F8: variants seen among roughly 807,000 people sequenced by gnomAD.
F8 encodes coagulation factor VIII.
A neutral mutation model predicts 140.6 loss-of-function variants in F8; 12 were observed. That is an observed-to-expected ratio of 0.09 (90% CI 0.05 to 0.14). F8 has a LOEUF of 0.14. F8 is among the 10% of genes least tolerant of loss of function. The pLI, the probability that F8 is intolerant of heterozygous loss-of-function variation, is 1.00. For missense variants in F8, 1,354 were observed against 1,720.7 expected (o/e 0.79, Z 3.77); for synonymous variants, 585 against 614.6 (o/e 0.95, Z 0.71).
chrX:155,022,381 C>T (rs782082664), intron 1 of F8, 29 bp downstream of exon 1: 16 of 1,200,656 alleles, frequency 1.3e-5, no homozygotes, highest in African/African-American at 3.5e-5. Flanking sequence ...ATCCTGGCCC[C>T]GATCAGACCC....
At chrX:154,956,482 G>A (rs2073365687) in intron 11 of F8, among the ~76,000 whole-genome samples, 1 of 111,886 alleles carries the variant, frequency 8.9e-6, no homozygotes, top group Non-Finnish European at 1.9e-5. Flanking sequence ...TTAATTTGGG[G>A]AACTAATAAA....
intron 22 of F8, among the ~76,000 whole-genome samples, chrX:154,870,455 A>C (rs1441600198): frequency 8.9e-6 from 1 of 112,295 alleles, no homozygotes; most frequent in Non-Finnish European, 1.9e-5. Context: ...CCACATGATT[A>C]TCTCAATAGA....
intron 7 of F8, among the ~76,000 whole-genome samples, chrX:154,968,828 C>G (rs2073438850): frequency 9.0e-6 from 1 of 110,504 alleles, no homozygotes; most frequent in African/African-American, 3.3e-5. Flanking sequence ...TGAAGTCAAG[C>G]TCTACAATAG....
At chrX:154,946,067 T>C (rs2073302403) in intron 13 of F8, among the ~76,000 whole-genome samples, 2 of 111,390 alleles carry the variant, frequency 1.8e-5, no homozygotes, top group Admixed American at 9.5e-5. Flanking sequence ...ACTAAAATAC[T>C]GATAAAGGGA....
intron 20 of F8, among the ~76,000 whole-genome samples, chrX:154,900,813 C>A (rs1557275884): frequency 9.0e-6 from 1 of 111,622 alleles, no homozygotes; most frequent in African/African-American, 3.3e-5. Flanking sequence ...GCTGCTGTAG[C>A]CATAGATGAT....
intron 10 of F8, among the ~76,000 whole-genome samples, 173 bp from the exon 11 acceptor site, chrX:154,957,344 A>G (rs962661437): frequency 5.5e-4 from 61 of 111,735 alleles, no homozygotes; most frequent in African/African-American, 1.9e-3. Context: ...AATTTTTTTA[A>G]AAAGTAAAAA....
In F8 at chrX:154,867,556, C is replaced by T. The variant is rs150818490; in HGVS notation, c.6430-4329G>A. ...TACAAAAATTAGCTGGGTGTGATGG[C>T]ATGTTCCAGTAGTCCCAGCTACTCA... is the stretch of plus-strand genomic sequence containing the variant. On this transcript the variant is annotated intron_variant, in intron 22 of 25. Transcript: ENST00000360256. Among the ~76,000 whole-genome samples the T allele has an allele frequency of 7.1e-4, 77 of 108,687 alleles. No homozygotes were observed. The East Asian group carries it at 0.011, about 16-fold the overall frequency. 94.4% of individuals were successfully genotyped at this position (108,687 alleles called of 115,157 possible). A position where few individuals can be genotyped will look rare whatever the true frequency, so the allele number is the denominator to read the frequency against.
intron 22 of F8, among the ~76,000 whole-genome samples, chrX:154,871,846 T>C (rs1569559369): frequency 9.0e-6 from 1 of 111,374 alleles, no homozygotes; most frequent in Non-Finnish European, 1.9e-5. Flanking sequence ...TAAACAAATT[T>C]ACAAGAAAAA....
intron 14 of F8, among the ~76,000 whole-genome samples, chrX:154,907,360 C>T (rs782355134): frequency 2.7e-5 from 3 of 111,790 alleles, no homozygotes; most frequent in East Asian, 2.8e-4. Flanking sequence ...ACCCTAATCA[C>T]GGACATTTGA....
intron 1 of F8, among the ~76,000 whole-genome samples, chrX:155,021,538 G>A (rs944465259): frequency 9.0e-6 from 1 of 111,389 alleles, no homozygotes; most frequent in Non-Finnish European, 1.9e-5. Context: ...AATGAAAGTA[G>A]AAGCAGAAAC....
At chrX:154,974,193 T>G in intron 6 of F8, among the ~76,000 whole-genome samples, 1 of 112,104 alleles carries the variant, frequency 8.9e-6, no homozygotes, top group Non-Finnish European at 1.9e-5. Flanking sequence ...CTTCCAGTAC[T>G]GTGTTGAATA....
intron 1 of F8, among the ~76,000 whole-genome samples, chrX:155,008,349 C>A (rs1468927532): frequency 6.2e-5 from 7 of 112,281 alleles, no homozygotes; most frequent in Non-Finnish European, 1.1e-4. Flanking sequence ...CTGGGACCCG[C>A]AGCAGAAAGG....
intron 13 of F8, among the ~76,000 whole-genome samples, chrX:154,946,576 A>G (rs1308565954): frequency 8.9e-6 from 1 of 112,086 alleles, no homozygotes; most frequent in Non-Finnish European, 1.9e-5. Context: ...AATCAAATCA[A>G]AATGGATTAG....
At chrX:154,911,145 C>T (rs1364953103) in intron 14 of F8, among the ~76,000 whole-genome samples, 1 of 109,016 alleles carries the variant, frequency 9.2e-6, no homozygotes, top group Non-Finnish European at 1.9e-5. Flanking sequence ...AACTGAGAGA[C>T]CAGTGCCGGC....
intron 21 of F8, chrX:154,897,864 A>G (rs2072990179): frequency 8.9e-6 from 1 of 112,192 alleles, no homozygotes; most frequent in Non-Finnish European, 1.9e-5. Flanking sequence ...ATGCTTGACA[A>G]CTGATGAATG....
chrX:154,897,262 G>A (rs914695871), intron 21 of F8, among the ~76,000 whole-genome samples: 4 of 112,442 alleles, frequency 3.6e-5, no homozygotes, highest in African/African-American at 1.3e-4. Context: ...TTTCACACAT[G>A]CCTGACACAC....
At chrX:154,925,614 G>C (rs2073156187) in intron 14 of F8, among the ~76,000 whole-genome samples, 1 of 112,654 alleles carries the variant, frequency 8.9e-6, no homozygotes, top group Admixed American at 9.3e-5. Context: ...GATCACTTTA[G>C]AGATTTAAGA....
At chrX:154,977,173 A>T (rs2073491624) in intron 6 of F8, among the ~76,000 whole-genome samples, 1 of 111,531 alleles carries the variant, frequency 9.0e-6, no homozygotes, top group Admixed American at 9.5e-5. Flanking sequence ...TAAAAAATCG[A>T]CTCCCAAATT....
intron 22 of F8, among the ~76,000 whole-genome samples, chrX:154,893,004 C>T (rs2072954988): frequency 8.9e-6 from 1 of 112,056 alleles, no homozygotes; most frequent in African/African-American, 3.2e-5. Flanking sequence ...CTGGAGGCTT[C>T]ATCTGCATGA....
Sources: gnomAD v4.1 joint callset for allele counts (sites outside exome capture counted in the v4.1 genomes callset) on GRCh38, gnomAD v4.1.1 for gene constraint, MANE v1.5 for transcripts, NCBI Gene and HGNC (gene_info 2026-07-23, HGNC 2026-07-21) for gene names.